The following JAKMIP2 variants were observed in gnomAD, a reference collection of about 807,000 sequenced individuals.
JAKMIP2 encodes janus kinase and microtubule-interacting protein 2.
In JAKMIP2, 25 loss-of-function variants were observed where a neutral mutation model predicts 115.0. The observed-to-expected ratio is 0.22, with a 90% CI of 0.16 to 0.30. The LOEUF is 0.30. Ranked by LOEUF, JAKMIP2 falls within the 10% of genes least tolerant of loss-of-function variation. The probability of loss-of-function intolerance (pLI) is 1.00; values close to 1 mark genes in which losing one functional copy is unlikely to be tolerated. For missense variants in JAKMIP2, 642 were observed against 957.6 expected (o/e 0.67, Z 4.35); for synonymous variants, 334 against 343.6 (o/e 0.97, Z 0.31).
At chr5:147,739,827 T>G (rs1358888596) in intron 1 of JAKMIP2, among the ~76,000 whole-genome samples, 1 of 152,042 alleles carries the variant, frequency 6.6e-6, no homozygotes, top group Non-Finnish European at 1.5e-5. Flanking sequence ...GCCTAATTTC[T>G]GAAGTTAGAC....
chr5:147,592,870 C>G (rs1002824790), intron 21 of JAKMIP2, among the ~76,000 whole-genome samples: 1 of 152,152 alleles, frequency 6.6e-6, no homozygotes, highest in African/African-American at 2.4e-5. Flanking sequence ...ACTTAAAGAT[C>G]CAAAGGCATA....
intron 3 of JAKMIP2, among the ~76,000 whole-genome samples, chr5:147,651,665 C>G (rs994372817): frequency 6.6e-6 from 1 of 152,042 alleles, no homozygotes; most frequent in Non-Finnish European, 1.5e-5. Flanking sequence ...TACATAGTCA[C>G]GTATTTTCCA....
intron 1 of JAKMIP2, among the ~76,000 whole-genome samples, chr5:147,690,908 C>T (rs1751812804): frequency 2.0e-5 from 3 of 152,032 alleles, no homozygotes; most frequent in Non-Finnish European, 4.4e-5. Context: ...CAGGATGGGT[C>T]CTGGGAGAAA....
At chr5:147,592,573 T>C (rs1193594074) in intron 21 of JAKMIP2, among the ~76,000 whole-genome samples, 1 of 152,190 alleles carries the variant, frequency 6.6e-6, no homozygotes, top group Non-Finnish European at 1.5e-5. Context: ...TGCTATGAGG[T>C]TGTGCTATCA....
Position 147,661,448 on chromosome 5 carries a change from A to G in JAKMIP2, c.130-3T>C. On this transcript the variant is annotated splice_polypyrimidine_tract_variant and splice_region_variant and intron_variant, in intron 2 of 21. Transcript: ENST00000616793. ...TTCTCTCTTTCAAGCTTTGATACCTAAAAACAGAGAGGCGAAATGATGAAG... is the reference window on the plus strand; with the variant it reads ...TTCTCTCTTTCAAGCTTTGATACCTGAAAACAGAGAGGCGAAATGATGAAG... 1 of 1,605,218 alleles carries G rather than the reference A, an allele frequency of 6.2e-7. No individual in the cohort carries two copies. Among genetic ancestry groups the G allele is most frequent in the Non-Finnish European group, 8.5e-7 (1 of 1,176,120 alleles).
chr5:147,734,107 C>T (rs990181921), intron 1 of JAKMIP2, among the ~76,000 whole-genome samples: 1 of 152,108 alleles, frequency 6.6e-6, no homozygotes, highest in Non-Finnish European at 1.5e-5. Flanking sequence ...TATGAACAAA[C>T]ACTTCTCAAA....
chr5:147,660,776 C>A (rs1292827724), intron 3 of JAKMIP2, 172 bp downstream of exon 3: 1 of 694,852 alleles, frequency 1.4e-6, no homozygotes, highest in Non-Finnish European at 2.4e-6. Flanking sequence ...GCATATCTCT[C>A]GATTGATCTA....
chr5:147,658,135 T>G (rs1758771823), intron 3 of JAKMIP2, among the ~76,000 whole-genome samples: 3 of 152,214 alleles, frequency 2.0e-5, no homozygotes, highest in African/African-American at 7.2e-5. Context: ...TGTGGATTTC[T>G]CTACCTTTGA....
chr5:147,620,887 A>G, intron 17 of JAKMIP2, 144 bp from the exon 18 acceptor site: 1 of 594,502 alleles, frequency 1.7e-6, no homozygotes, highest in Non-Finnish European at 3.0e-6. Flanking sequence ...TGTTAGGGAA[A>G]TAGTTCAACT....
chr5:147,631,443 T>G lies in JAKMIP2; in HGVS notation c.1845A>C (p.Leu615=). Reference sequence around the variant, plus strand: ...CACCTTCTTTCATACAGTAGATCTGTAGAGCACTCACACCATCTGAGAATG... The same window carrying G: ...CACCTTCTTTCATACAGTAGATCTGGAGAGCACTCACACCATCTGAGAATG... ...IHPFSDGVSA[L]QIYCMKEGVK... The change falls in exon 14 of 22, where the codon CTA becomes CTC. Residue 615 remains leucine, a synonymous_variant. Coordinates refer to ENST00000616793, the MANE Select transcript of JAKMIP2 (RefSeq NM_001270941.2). 1 of 1,610,906 alleles carries G rather than the reference T, an allele frequency of 6.2e-7. No homozygotes were observed. Among genetic ancestry groups the G allele is most frequent in the South Asian group, 1.1e-5 (1 of 90,972 alleles).
At chr5:147,640,633 C>CT in intron 9 of JAKMIP2, 71 bp downstream of exon 9, 1 of 1,526,956 alleles carries the variant, frequency 6.5e-7, no homozygotes, top group Non-Finnish European at 9.0e-7. Context: ...AAGTGAAATC[C>CT]TTTTTCTTCC....
In JAKMIP2 at chr5:147,587,697, T is replaced by A. The variant is rs1754933089; in HGVS notation, c.*4010A>T. 1 of 152,242 alleles carries A rather than the reference T, an allele frequency of 6.6e-6. No homozygotes were observed. The highest frequency in any genetic ancestry group is 2.4e-5 in the African/African-American group (1 of 41,570). The allele number at this position is 152,242 out of a possible 1,614,324, so 9.4% of individuals were successfully genotyped here. A position where few individuals can be genotyped will look rare whatever the true frequency, so the allele number is the denominator to read the frequency against. ...TAAAGCAAACATAAGAATTACACAA[T>A]GGGTTTACAGGAAAATTTGACAGTC... On this transcript the variant is annotated 3_prime_UTR_variant, in exon 22 of 22. Coordinates refer to ENST00000616793, the MANE Select transcript of JAKMIP2 (RefSeq NM_001270941.2).
At chr5:147,666,823 A>G in intron 2 of JAKMIP2, among the ~76,000 whole-genome samples, 1 of 152,136 alleles carries the variant, frequency 6.6e-6, no homozygotes, top group East Asian at 1.9e-4. Flanking sequence ...GTGATGATTG[A>G]TATAGGCAAT....
At chr5:147,761,867 A>AAACATTTTTTGATAAAAAAATT in intron 1 of JAKMIP2, among the ~76,000 whole-genome samples, 1 of 152,284 alleles carries the variant, frequency 6.6e-6, no homozygotes, top group East Asian at 1.9e-4. Context: ...ATTTAATGAT[A>AAACATTTTTTGATAAAAAAATT]TTATAAGCAT....
chr5:147,604,402 T>C (rs1755885297), intron 20 of JAKMIP2, among the ~76,000 whole-genome samples: 2 of 152,190 alleles, frequency 1.3e-5, no homozygotes, highest in Non-Finnish European at 2.9e-5. Context: ...GGACAAGTGT[T>C]ATCATCCCTG....
intron 10 of JAKMIP2, among the ~76,000 whole-genome samples, chr5:147,638,051 AT>A (rs1371841439): frequency 6.6e-6 from 1 of 152,192 alleles, no homozygotes; most frequent in Non-Finnish European, 1.5e-5. Flanking sequence ...GGTCCAAAAA[AT>A]AATTAATTTT....
chr5:147,782,688 A>G lies in JAKMIP2; in HGVS notation c.-381T>C. On this transcript the variant is annotated 5_prime_UTR_variant, in exon 1 of 22. Coordinates refer to ENST00000616793, the MANE Select transcript of JAKMIP2 (RefSeq NM_001270941.2). ...CGGCAGCAGCAGCAGCAGCAGCATC[A>G]CCAGTTGGGCCTCCTCCCTCTCGGA... 3.1e-6 allele frequency: 2 copies of G among 650,412 alleles called. No homozygotes were observed. Among genetic ancestry groups the G allele is most frequent in the Non-Finnish European group, 5.6e-6 (2 of 356,602 alleles). 40.3% of individuals were successfully genotyped at this position (650,412 alleles called of 1,614,324 possible).
chr5:147,718,066 A>G (rs1753090323), intron 1 of JAKMIP2, among the ~76,000 whole-genome samples: 1 of 134,270 alleles, frequency 7.4e-6, no homozygotes, highest in Non-Finnish European at 1.6e-5. Flanking sequence ...AGGGTTGTTG[A>G]ATTTTGTCAA....
At chr5:147,716,158 T>TA (rs1752982420) in intron 1 of JAKMIP2, among the ~76,000 whole-genome samples, 2 of 144,546 alleles carry the variant, frequency 1.4e-5, no homozygotes, top group Non-Finnish European at 3.0e-5. Context: ...TCCATGTCCC[T>TA]ACAAAGGACA....
Sources: allele counts gnomAD v4.1 joint callset (sites outside exome capture counted in the v4.1 genomes callset), GRCh38; gene constraint gnomAD v4.1.1; transcripts MANE v1.5; gene names NCBI Gene and HGNC (gene_info 2026-07-23, HGNC 2026-07-21).